The following DIAPH3 variants were observed in gnomAD, a reference collection of about 807,000 sequenced individuals.
DIAPH3 encodes diaphanous related formin 3, also known as protein diaphanous homolog 3.
Under a neutral mutation model 144.3 loss-of-function variants are expected in DIAPH3, and 117 were observed. That is an observed-to-expected ratio of 0.81 (90% confidence interval 0.70 to 0.95). The LOEUF is 0.95. Among genes scored for constraint, DIAPH3 ranks in the 40% least tolerant of loss-of-function variants. The pLI is 0.00. For missense variants in DIAPH3, 1,421 were observed against 1,412.7 expected (o/e 1.01, Z -0.09); for synonymous variants, 519 against 488.9 (o/e 1.06, Z -0.81).
intron 3 of DIAPH3, among the ~76,000 whole-genome samples, chr13:60,102,951 C>T (rs374598749): frequency 2.0e-5 from 3 of 152,022 alleles, no homozygotes; most frequent in South Asian, 2.1e-4. Flanking sequence ...TAGTCAGCGG[C>T]AGCCCTTACC....
chr13:59,696,470 T>A (rs2033807555), intron 27 of DIAPH3, among the ~76,000 whole-genome samples: 1 of 152,222 alleles, frequency 6.6e-6, no homozygotes, highest in Admixed American at 6.5e-5. Context: ...GCCTGCTATA[T>A]AGTGCTATGC....
intron 14 of DIAPH3, among the ~76,000 whole-genome samples, chr13:59,979,950 G>T (rs1417805742): frequency 6.6e-6 from 1 of 151,572 alleles, no homozygotes; most frequent in African/African-American, 2.4e-5. Context: ...AAGTCTAATA[G>T]GTACTTGCTA....
intron 27 of DIAPH3, among the ~76,000 whole-genome samples, chr13:59,719,255 T>A (rs1040440895): frequency 2.0e-5 from 3 of 152,238 alleles, no homozygotes; most frequent in African/African-American, 7.2e-5. Flanking sequence ...TTTGTGTGAT[T>A]TGAGTTCAAT....
intron 27 of DIAPH3, among the ~76,000 whole-genome samples, chr13:59,740,277 A>C (rs17057156): frequency 6.6e-6 from 1 of 152,054 alleles, no homozygotes; most frequent in Non-Finnish European, 1.5e-5. Context: ...AGTCAGAAAG[A>C]TCTGAGTTCC....
rs2039253396 is a variant in DIAPH3, at chr13:59,790,161, G to GA, written c.3164-15339dup. On this transcript the variant is annotated intron_variant, in intron 25 of 27. Coordinates refer to ENST00000400324, the MANE Select transcript of DIAPH3 (RefSeq NM_001042517.2). ...CATAATTAATGACTACCTGTATGAC[G>GA]AATGTTACACAAAATAAATCAGGGT... 3.3e-5 allele frequency among the ~76,000 whole-genome samples: 5 copies of GA among 152,262 alleles called. No homozygotes were observed. The South Asian group carries it at 1.0e-3, about 32-fold the overall frequency.
chr13:59,711,840 G>T (rs1039285070), intron 27 of DIAPH3, among the ~76,000 whole-genome samples: 1 of 152,128 alleles, frequency 6.6e-6, no homozygotes, highest in Non-Finnish European at 1.5e-5. Flanking sequence ...AAAAATTGTT[G>T]CACGAATAAA....
intron 22 of DIAPH3, among the ~76,000 whole-genome samples, chr13:59,860,388 A>G (rs2043506682): frequency 6.6e-6 from 1 of 152,232 alleles, no homozygotes; most frequent in African/African-American, 2.4e-5. Flanking sequence ...TCCAAAATGT[A>G]TTCATAAATT....
At position 60,064,010 on chromosome 13, in the gene DIAPH3, A is replaced by AT. The variant is rs536656761; in HGVS notation, c.496-21191dup. ...AAATGCACTGTCAATGAACAGAAAT[A>AT]TTTTTTTAAAGAATATTTTTTCTGA... On this transcript the variant is annotated intron_variant, in intron 4 of 27. Coordinates refer to ENST00000400324, the MANE Select transcript of DIAPH3 (RefSeq NM_001042517.2). 3.5e-4 allele frequency among the ~76,000 whole-genome samples: 54 copies of AT among 152,262 alleles called. No homozygotes were observed. In the East Asian group the frequency reaches 9.3e-3, roughly 26 times the overall value.
chr13:59,675,639 C>T (rs1277211152), intron 27 of DIAPH3, among the ~76,000 whole-genome samples: 1 of 152,150 alleles, frequency 6.6e-6, no homozygotes, highest in Non-Finnish European at 1.5e-5. Flanking sequence ...CCGCCTTGGT[C>T]TATTTTAAAA....
intron 27 of DIAPH3, among the ~76,000 whole-genome samples, chr13:59,710,240 T>TATA (rs60097709): frequency 0.65 from 95,166 of 145,460 alleles, 31,249 homozygotes; most frequent in East Asian, 0.71. Flanking sequence ...AAACTTAAAG[T>TATA]ATAATAATAA....
At chr13:59,675,347 T>C (rs1343303076) in intron 27 of DIAPH3, among the ~76,000 whole-genome samples, 2 of 152,090 alleles carry the variant, frequency 1.3e-5, no homozygotes, top group Non-Finnish European at 2.9e-5. Context: ...GAGTTACAGG[T>C]GTGAGCCACT....
chr13:60,146,705 C>T (rs1951539797), intron 1 of DIAPH3, among the ~76,000 whole-genome samples: 2 of 152,158 alleles, frequency 1.3e-5, no homozygotes, highest in Admixed American at 6.5e-5. Flanking sequence ...CCAACAATGC[C>T]AAAGGAGACT....
At chr13:59,926,024 C>A (rs958027404) in intron 17 of DIAPH3, among the ~76,000 whole-genome samples, 2 of 152,146 alleles carry the variant, frequency 1.3e-5, no homozygotes, top group Non-Finnish European at 2.9e-5. Flanking sequence ...CTCACTCTGT[C>A]ACCCAGGCTG....
chr13:59,962,783 C>T (rs1353452494), intron 17 of DIAPH3, among the ~76,000 whole-genome samples: 1 of 152,026 alleles, frequency 6.6e-6, no homozygotes, highest in Admixed American at 6.6e-5. Context: ...ACAAAATCTG[C>T]TTCTTTATTA....
chr13:60,010,757 T>G, intron 7 of DIAPH3, 88 bp from the exon 8 acceptor site: 2 of 1,327,424 alleles, frequency 1.5e-6, no homozygotes, highest in African/African-American at 1.5e-5. Flanking sequence ...TAAAAAAAAT[T>G]TATAGGACAT....
intron 22 of DIAPH3, among the ~76,000 whole-genome samples, chr13:59,847,675 T>C (rs146762211): frequency 2.0e-5 from 3 of 152,318 alleles, no homozygotes; most frequent in East Asian, 1.9e-4. Context: ...TACATGTACA[T>C]GGGAGGGCAA....
At chr13:59,922,612 C>CA (rs1232533611) in intron 18 of DIAPH3, among the ~76,000 whole-genome samples, 2 of 151,978 alleles carry the variant, frequency 1.3e-5, no homozygotes, top group Non-Finnish European at 1.5e-5. Flanking sequence ...AATTTCATGA[C>CA]AAAAAACTAT....
At chr13:60,148,596 T>C (rs2084471569) in intron 1 of DIAPH3, among the ~76,000 whole-genome samples, 1 of 152,166 alleles carries the variant, frequency 6.6e-6, no homozygotes, top group Admixed American at 6.5e-5. Context: ...AAGAGATTAC[T>C]TGGAAAGACT....
chr13:59,935,229 T>A (rs2048208241), intron 17 of DIAPH3, among the ~76,000 whole-genome samples: 1 of 152,142 alleles, frequency 6.6e-6, no homozygotes. Context: ...GACTTGAGTA[T>A]GTGTGGATTT....
Sources: allele counts gnomAD v4.1 joint callset (sites outside exome capture counted in the v4.1 genomes callset), GRCh38; gene constraint gnomAD v4.1.1; transcripts MANE v1.5; gene names NCBI Gene and HGNC (gene_info 2026-07-23, HGNC 2026-07-21).